RBMS3: variants seen among roughly 807,000 people sequenced by gnomAD.
RBMS3 encodes the protein RNA binding motif single stranded interacting protein 3.
A neutral mutation model predicts 66.8 loss-of-function variants in RBMS3; 27 were observed. The ratio of observed to expected loss-of-function variants is 0.40; its 90% confidence interval spans 0.30 to 0.56. The LOEUF is 0.56. Among genes scored for constraint, RBMS3 ranks in the 20% least tolerant of loss-of-function variants. RBMS3 has a pLI of 0.40. For synonymous variants in RBMS3, 188 were observed against 183.0 expected (o/e 1.03, Z -0.22); for missense variants, 513 against 549.5 (o/e 0.93, Z 0.66).
chr3:29,961,036 A>C (rs907345977), intron 12 of RBMS3, among the ~76,000 whole-genome samples: 5 of 152,170 alleles, frequency 3.3e-5, no homozygotes, highest in African/African-American at 1.2e-4. Flanking sequence ...TTTCTCCCTG[A>C]AAATGGGTTT....
At chr3:29,922,810 G>C (rs1042762364) in intron 10 of RBMS3, among the ~76,000 whole-genome samples, 2 of 152,128 alleles carry the variant, frequency 1.3e-5, no homozygotes, top group African/African-American at 4.8e-5. Flanking sequence ...TTCTACCACA[G>C]AGAATTCACA....
intron 1 of RBMS3, among the ~76,000 whole-genome samples, chr3:29,386,975 T>G (rs888019968): frequency 3.3e-5 from 5 of 152,218 alleles, no homozygotes; most frequent in Non-Finnish European, 7.3e-5. Context: ...TTCTTAAAAC[T>G]TGGATTGTGA....
chr3:29,462,134 C>A (rs756527565), intron 2 of RBMS3, among the ~76,000 whole-genome samples: 44 of 152,068 alleles, frequency 2.9e-4, no homozygotes, highest in Non-Finnish European at 5.3e-4. Context: ...GGTTTAAATA[C>A]ATGATAAAAT....
chr3:29,548,160 C>G (rs1378441111), intron 3 of RBMS3, among the ~76,000 whole-genome samples: 2 of 151,988 alleles, frequency 1.3e-5, no homozygotes, highest in Non-Finnish European at 2.9e-5. Context: ...TGACCAGGCA[C>G]CGTGGCCTGT....
chr3:29,567,027 T>C (rs1312115714), intron 3 of RBMS3, among the ~76,000 whole-genome samples: 1 of 152,160 alleles, frequency 6.6e-6, no homozygotes, highest in African/African-American at 2.4e-5. Context: ...GCATGTACTG[T>C]TCATGTGTTA....
intron 4 of RBMS3, among the ~76,000 whole-genome samples, chr3:29,623,815 A>G (rs2048963375): frequency 6.6e-6 from 1 of 152,190 alleles, no homozygotes; most frequent in African/African-American, 2.4e-5. Context: ...ATATCAATAG[A>G]CTAATAGATA....
chr3:29,334,311 T>C (rs1185417394), intron 1 of RBMS3, among the ~76,000 whole-genome samples: 1 of 152,186 alleles, frequency 6.6e-6, no homozygotes, highest in Non-Finnish European at 1.5e-5. Context: ...TAAGATGTCT[T>C]TACAAATATG....
chr3:29,452,846 C>T (rs2042059006), intron 2 of RBMS3, among the ~76,000 whole-genome samples: 1 of 152,104 alleles, frequency 6.6e-6, no homozygotes, highest in Non-Finnish European at 1.5e-5. Flanking sequence ...TAAGGTAAAG[C>T]TGGGTCCTCA....
intron 1 of RBMS3, among the ~76,000 whole-genome samples, chr3:29,304,887 C>T (rs1429829619): frequency 6.6e-6 from 1 of 151,938 alleles, no homozygotes; most frequent in Admixed American, 6.6e-5. Context: ...TATGGCTCTT[C>T]ACCAACTTGA....
intron 12 of RBMS3, among the ~76,000 whole-genome samples, chr3:29,959,096 G>A (rs1322068134): frequency 6.6e-6 from 1 of 152,176 alleles, no homozygotes; most frequent in Non-Finnish European, 1.5e-5. Context: ...ATGAATACAA[G>A]TTTTGAACAA....
chr3:29,603,171 A>G (rs1420039248), intron 4 of RBMS3, among the ~76,000 whole-genome samples: 2 of 152,010 alleles, frequency 1.3e-5, no homozygotes, highest in Non-Finnish European at 2.9e-5. Flanking sequence ...GTAGCAAGTA[A>G]TAATACTTGT....
At chr3:29,685,183 C>T (rs59797771) in intron 4 of RBMS3, among the ~76,000 whole-genome samples, 27 of 151,884 alleles carry the variant, frequency 1.8e-4, no homozygotes, top group Admixed American at 5.2e-4. Flanking sequence ...CTCAGCCTCC[C>T]GAGTAGCTGG....
chr3:29,627,359 T>C (rs1371086737), intron 4 of RBMS3, among the ~76,000 whole-genome samples: 5 of 152,056 alleles, frequency 3.3e-5, no homozygotes, highest in Admixed American at 3.3e-4. Flanking sequence ...ACCTCAGCAC[T>C]ATTGGCATTT....
intron 4 of RBMS3, among the ~76,000 whole-genome samples, chr3:29,678,150 T>C (rs941493322): frequency 6.6e-6 from 1 of 152,210 alleles, no homozygotes; most frequent in Non-Finnish European, 1.5e-5. Context: ...TCAAGTTCTC[T>C]GCCCCATTTG....
chr3:29,373,601 C>A (rs1238380070), intron 1 of RBMS3, among the ~76,000 whole-genome samples: 1 of 152,110 alleles, frequency 6.6e-6, no homozygotes, highest in Non-Finnish European at 1.5e-5. Context: ...TGGTTAAGGT[C>A]CTTATGATTT....
intron 3 of RBMS3, among the ~76,000 whole-genome samples, chr3:29,565,373 G>C (rs2046705053): frequency 6.6e-6 from 1 of 152,110 alleles, no homozygotes; most frequent in Non-Finnish European, 1.5e-5. Flanking sequence ...CATTTCCAAG[G>C]TCATGTTTTT....
intron 3 of RBMS3, among the ~76,000 whole-genome samples, chr3:29,573,805 A>G (rs2047019150): frequency 6.6e-6 from 1 of 152,148 alleles, no homozygotes; most frequent in African/African-American, 2.4e-5. Flanking sequence ...TTTTCTTCTT[A>G]ACATCTTTAT....
At chr3:29,395,865 CAT>C (rs1229018568) in intron 1 of RBMS3, among the ~76,000 whole-genome samples, 1 of 152,044 alleles carries the variant, frequency 6.6e-6, no homozygotes, top group African/African-American at 2.4e-5. Flanking sequence ...AATAATGAAA[CAT>C]ATAATAGGGT....
At chr3:29,438,028 TTCTCTCTCTC>T (rs34431369) in intron 2 of RBMS3, among the ~76,000 whole-genome samples, 88 of 142,554 alleles carry the variant, frequency 6.2e-4, no homozygotes, top group African/African-American at 2.1e-3. Context: ...CCTTGCTTGT[TTCTCTCTCTC>T]TCTCTCTCTC....
Sources: gnomAD v4.1 joint callset for allele counts (sites outside exome capture counted in the v4.1 genomes callset) on GRCh38, gnomAD v4.1.1 for gene constraint, MANE v1.5 for transcripts, NCBI Gene and HGNC (gene_info 2026-07-23, HGNC 2026-07-21) for gene names.